The following TMEM131L variants were observed in gnomAD, a reference collection of about 807,000 sequenced individuals.
The protein encoded by TMEM131L is transmembrane protein 131-like.
TMEM131L carries 54 observed loss-of-function variants against 192.2 expected under a neutral mutation model. The ratio of observed to expected loss-of-function variants is 0.28; its 90% CI spans 0.23 to 0.35. The LOEUF (loss-of-function observed/expected upper bound fraction) is 0.35, where lower values mean the gene tolerates loss of function less well. TMEM131L is among the 10% of genes least tolerant of loss of function. TMEM131L has a pLI of 1.00. For synonymous variants in TMEM131L, 701 were observed against 704.9 expected (o/e 0.99, Z 0.09); for missense variants, 1,888 against 1,972.9 (o/e 0.96, Z 0.82).
At position 153,624,344 on chromosome 4, in the gene TMEM131L, C is replaced by G. The variant is rs193041725; in HGVS notation, c.4045+1261C>G. On this transcript the variant is annotated intron_variant, in intron 29 of 34. Transcript: ENST00000409959. ...ATGTTGCCCAGGCTGGTCTCTAACT[C>G]CTGGCCTCAAGTGATCTGCCCGCCT... is the stretch of plus-strand genomic sequence containing the variant. Among the ~76,000 whole-genome samples, 14 of 152,306 alleles carry G rather than the reference C, an allele frequency of 9.2e-5. 1 individual carries two copies. Among genetic ancestry groups the G allele is most frequent in the Admixed American group, 4.6e-4 (7 of 15,312 alleles).
intron 3 of TMEM131L, among the ~76,000 whole-genome samples, chr4:153,487,738 G>A (rs889467875): frequency 3.3e-5 from 5 of 150,570 alleles, no homozygotes; most frequent in African/African-American, 1.2e-4. Flanking sequence ...GAGAGAGAGA[G>A]ACACCCTCGT....
rs1244057866 is a variant in TMEM131L, at chr4:153,627,455, T to C, written c.4125-150T>C. 7.1e-6 allele frequency: 4 copies of C among 563,678 alleles called. No individual in the cohort carries two copies. In the Admixed American group the frequency reaches 1.0e-4, roughly 14 times the overall value. The allele number at this position is 563,678 out of a possible 1,614,324, so 34.9% of individuals were successfully genotyped here. On this transcript the variant is annotated intron_variant, in intron 30 of 34. Transcript: ENST00000409959. ...CAATTCTTTTCTGGCTGTGTAACTT[T>C]ACATCCTTTATATCTGTATGTTTCT...
At chr4:153,582,438 T>G (rs1730421620) in intron 9 of TMEM131L, among the ~76,000 whole-genome samples, 2 of 133,694 alleles carry the variant, frequency 1.5e-5, no homozygotes, top group East Asian at 2.1e-4. Context: ...TTGTTGTTTT[T>G]TTTTTTTTTT....
chr4:153,532,445 TTA>T (rs1491461056), intron 3 of TMEM131L, among the ~76,000 whole-genome samples: 1 of 148,276 alleles, frequency 6.7e-6, no homozygotes, highest in African/African-American at 2.5e-5. Flanking sequence ...TGCTTTTTTT[TTA>T]AAAAAAAAAA....
At chr4:153,598,267 A>G (rs1330062633) in intron 20 of TMEM131L, among the ~76,000 whole-genome samples, 1 of 151,182 alleles carries the variant, frequency 6.6e-6, no homozygotes, top group African/African-American at 2.4e-5. Context: ...TGAATGTCTG[A>G]TCACTACCCT....
chr4:153,513,602 T>A (rs1734506887), intron 3 of TMEM131L, among the ~76,000 whole-genome samples: 1 of 152,206 alleles, frequency 6.6e-6, no homozygotes, highest in Admixed American at 6.5e-5. Context: ...ATAAAATTGC[T>A]CTCCATTCGA....
chr4:153,504,643 G>A (rs1733864924), intron 3 of TMEM131L, among the ~76,000 whole-genome samples: 1 of 152,106 alleles, frequency 6.6e-6, no homozygotes, highest in South Asian at 2.1e-4. Context: ...ATCAGTCTGA[G>A]TTGTAATATA....
At chr4:153,611,319 A>G (rs1732597930) in intron 25 of TMEM131L, among the ~76,000 whole-genome samples, 1 of 152,216 alleles carries the variant, frequency 6.6e-6, no homozygotes, top group African/African-American at 2.4e-5. Context: ...GGTTGTGTTC[A>G]TTTTATAAAT....
rs772725875 is a variant in TMEM131L at position 153,602,220 on chromosome 4, C to T, written c.2335C>T (p.Pro779Ser). 2 of 1,613,100 alleles carry T rather than the reference C, an allele frequency of 1.2e-6. No individual in the cohort carries two copies. The highest frequency in any genetic ancestry group is 1.7e-6 in the Non-Finnish European group (2 of 1,179,436). The change falls in exon 22 of 35, where the codon CCT becomes TCT. Residue 779 changes from proline to serine, a missense_variant. Pro to Ser is a moderately conservative substitution (Grantham distance 74). Coordinates refer to ENST00000409959, the MANE Select transcript of TMEM131L (RefSeq NM_001131007.2). ...TAAAGTTGAGAATATTGGACCTCTTCCTATAACTGTTTCGTCTCTGAAAAT... is the reference window on the plus strand; with the variant it reads ...TAAAGTTGAGAATATTGGACCTCTTTCTATAACTGTTTCGTCTCTGAAAAT... ...NFKVENIGPL[P>S]ITVSSLKING...
chr4:153,630,189 C>G (rs1734117091), intron 31 of TMEM131L, among the ~76,000 whole-genome samples: 1 of 152,230 alleles, frequency 6.6e-6, no homozygotes, highest in Admixed American at 6.5e-5. Flanking sequence ...GGTAGATTTT[C>G]ACATGCGTAC....
At chr4:153,557,344 TCA>T (rs1023644201) in intron 6 of TMEM131L, among the ~76,000 whole-genome samples, 1 of 152,194 alleles carries the variant, frequency 6.6e-6, no homozygotes. Flanking sequence ...AAGCAATCTG[TCA>T]CACAGTTTCC....
chr4:153,627,589 G>T lies in TMEM131L; in HGVS notation c.4125-16G>T. ...AGAAAAAATGAGTCGTTCCTCCTTT[G>T]CCCTCTTCCCCACAGGACCGTGAAT... On this transcript the variant is annotated splice_polypyrimidine_tract_variant and intron_variant, in intron 30 of 34. Coordinates refer to ENST00000409959, the MANE Select transcript of TMEM131L (RefSeq NM_001131007.2). 1 of 1,606,246 alleles carries T rather than the reference G, an allele frequency of 6.2e-7. No individual in the cohort carries two copies. The highest frequency in any genetic ancestry group is 8.5e-7 in the Non-Finnish European group (1 of 1,173,122).
intron 33 of TMEM131L, among the ~76,000 whole-genome samples, chr4:153,634,729 C>G (rs1238953109): frequency 1.3e-5 from 2 of 152,108 alleles, no homozygotes; most frequent in Non-Finnish European, 2.9e-5. Context: ...AGGAAAGAAG[C>G]TTGGAGGGGA....
At chr4:153,480,708 T>A (rs1190137775) in intron 3 of TMEM131L, among the ~76,000 whole-genome samples, 1 of 152,182 alleles carries the variant, frequency 6.6e-6, no homozygotes, top group East Asian at 1.9e-4. Context: ...TTTTTATGGC[T>A]ACACAGCAGT....
intron 7 of TMEM131L, among the ~76,000 whole-genome samples, chr4:153,559,859 C>T (rs750209526): frequency 2.0e-5 from 3 of 151,996 alleles, no homozygotes; most frequent in Admixed American, 6.6e-5. Context: ...GTAAGACCTG[C>T]GTGGTGTGGC....
chr4:153,533,843 C>G (rs886344828), intron 3 of TMEM131L, among the ~76,000 whole-genome samples: 3 of 152,140 alleles, frequency 2.0e-5, no homozygotes, highest in African/African-American at 7.2e-5. Flanking sequence ...CGTAATTTAG[C>G]AAATCACTAA....
At chr4:153,619,508 A>C (rs1471379890) in intron 26 of TMEM131L, among the ~76,000 whole-genome samples, 1 of 152,240 alleles carries the variant, frequency 6.6e-6, no homozygotes, top group East Asian at 1.9e-4. Flanking sequence ...GTTAATACAT[A>C]CTTATTGGGG....
intron 25 of TMEM131L, among the ~76,000 whole-genome samples, chr4:153,609,787 A>C (rs968985343): frequency 2.6e-5 from 4 of 152,232 alleles, no homozygotes; most frequent in Non-Finnish European, 4.4e-5. Context: ...CTCACAAATT[A>C]GGACACCAGG....
intron 21 of TMEM131L, among the ~76,000 whole-genome samples, chr4:153,601,323 G>A (rs1000402001): frequency 6.6e-6 from 1 of 152,098 alleles, no homozygotes. Flanking sequence ...CTTGAGCCCA[G>A]GAGTTCAAGG....
Sources: gnomAD v4.1 joint callset for allele counts (sites outside exome capture counted in the v4.1 genomes callset) on GRCh38, gnomAD v4.1.1 for gene constraint, MANE v1.5 for transcripts, NCBI Gene and HGNC (gene_info 2026-07-23, HGNC 2026-07-21) for gene names.